The following LRP2 variants were observed in gnomAD, a reference collection of about 807,000 sequenced individuals.
LRP2 encodes low-density lipoprotein receptor-related protein 2.
In LRP2, 172 loss-of-function variants were observed where a neutral mutation model predicts 531.0. The ratio of observed to expected loss-of-function variants is 0.32; its 90% CI spans 0.29 to 0.37. LRP2 has a LOEUF of 0.37. Among genes scored for constraint, LRP2 ranks in the 10% least tolerant of loss-of-function variants. The pLI is 1.00. For missense variants in LRP2, 5,167 were observed against 5,868.3 expected, an observed-to-expected ratio of 0.88 and a Z score of 3.90; for synonymous variants, 1,992 against 2,027.6, an observed-to-expected ratio of 0.98 and a Z score of 0.47.
intron 6 of LRP2, 151 bp downstream of exon 6, chr2:169,293,997 C>T: frequency 2.8e-6 from 2 of 704,890 alleles, no homozygotes; most frequent in Admixed American, 2.0e-5. Flanking sequence ...CCCCTAGTGA[C>T]CGTCTGATTC....
chr2:169,136,739 C>T (rs1025964953), intron 76 of LRP2, among the ~76,000 whole-genome samples: 4 of 151,592 alleles, frequency 2.6e-5, no homozygotes, highest in Non-Finnish European at 5.9e-5. Flanking sequence ...TATCTCCCTT[C>T]GCTGACTCTC....
intron 72 of LRP2, 54 bp downstream of exon 72, chr2:169,140,401 A>G: frequency 2.8e-6 from 4 of 1,441,592 alleles, no homozygotes; most frequent in Non-Finnish European, 3.9e-6. Flanking sequence ...TAAGGTCTCA[A>G]ATTTCCCCAG....
chr2:169,343,568 G>T (rs1025031285), intron 1 of LRP2, among the ~76,000 whole-genome samples: 1 of 152,070 alleles, frequency 6.6e-6, no homozygotes, highest in African/African-American at 2.4e-5. Flanking sequence ...ATATTCCCAG[G>T]TACCTATAAG....
At chr2:169,280,012 G>A (rs1321892736) in intron 11 of LRP2, among the ~76,000 whole-genome samples, 2 of 152,190 alleles carry the variant, frequency 1.3e-5, no homozygotes, top group African/African-American at 4.8e-5. Context: ...CAGAAAAGCA[G>A]TGTGCTTTTT....
intron 64 of LRP2, among the ~76,000 whole-genome samples, chr2:169,157,007 T>C (rs550024700): frequency 6.6e-6 from 1 of 152,200 alleles, no homozygotes; most frequent in Non-Finnish European, 1.5e-5. Flanking sequence ...GTATAATAAA[T>C]ACGTGTTGGT....
chr2:169,190,068 C>G (rs929847557), intron 48 of LRP2, among the ~76,000 whole-genome samples: 1 of 152,094 alleles, frequency 6.6e-6, no homozygotes, highest in Non-Finnish European at 1.5e-5. Context: ...AGAGTCTAAG[C>G]CTAGGTATTC....
intron 19 of LRP2, among the ~76,000 whole-genome samples, chr2:169,254,800 G>A (rs1467934003): frequency 2.6e-5 from 4 of 151,800 alleles, no homozygotes; most frequent in Non-Finnish European, 5.9e-5. Flanking sequence ...AAACATCCCA[G>A]CCCAGAGCAG....
chr2:169,291,110 T>A (rs1683987813), intron 7 of LRP2, 113 bp from the exon 8 acceptor site: 5 of 896,120 alleles, frequency 5.6e-6, no homozygotes, highest in Non-Finnish European at 8.7e-6. Context: ...AATCTATAAA[T>A]GATCTACATT....
At chr2:169,279,240 A>C in intron 12 of LRP2, 132 bp downstream of exon 12, 2 of 706,910 alleles carry the variant, frequency 2.8e-6, no homozygotes, top group Non-Finnish European at 5.0e-6. Flanking sequence ...CACAAAATAG[A>C]CATGGCTTCT....
At chr2:169,203,955 T>A (rs1319982183) in intron 42 of LRP2, 27 bp downstream of exon 42, 2 of 1,612,052 alleles carry the variant, frequency 1.2e-6, no homozygotes, top group East Asian at 4.5e-5. Flanking sequence ...ATTCTCCATG[T>A]TCTAATTTTC....
intron 1 of LRP2, among the ~76,000 whole-genome samples, chr2:169,349,431 G>A (rs927565432): frequency 6.6e-6 from 1 of 152,204 alleles, no homozygotes; most frequent in Non-Finnish European, 1.5e-5. Context: ...TGCATGGGGA[G>A]AGGAGAAGGA....
chr2:169,212,375 C>A (rs761114239), intron 36 of LRP2, among the ~76,000 whole-genome samples, 168 bp from the exon 37 acceptor site: 1 of 152,094 alleles, frequency 6.6e-6, no homozygotes, highest in Non-Finnish European at 1.5e-5. Context: ...AGAGCTTATA[C>A]AATAACACCT....
At chr2:169,345,149 C>T (rs888404630) in intron 1 of LRP2, among the ~76,000 whole-genome samples, 1 of 152,140 alleles carries the variant, frequency 6.6e-6, no homozygotes, top group Non-Finnish European at 1.5e-5. Flanking sequence ...AATCATTTCC[C>T]AGGTGTCAAG....
At chr2:169,308,198 A>C (rs1178225194) in intron 3 of LRP2, among the ~76,000 whole-genome samples, 1 of 151,818 alleles carries the variant, frequency 6.6e-6, no homozygotes, top group Non-Finnish European at 1.5e-5. Context: ...CAATTTTTAC[A>C]AAACTTCTTT....
At chr2:169,174,584 A>G (rs1687119611) in intron 55 of LRP2, among the ~76,000 whole-genome samples, 1 of 152,168 alleles carries the variant, frequency 6.6e-6, no homozygotes, top group African/African-American at 2.4e-5. Context: ...ATCTCGGCTC[A>G]CTGCAGCCTC....
chr2:169,175,168 A>G, intron 55 of LRP2, 25 bp downstream of exon 55: 1 of 1,611,074 alleles, frequency 6.2e-7, no homozygotes, highest in South Asian at 1.1e-5. Context: ...AGTCGGAAAA[A>G]GAGGCATAAA....
chr2:169,232,718 G>T (rs1490365096), intron 30 of LRP2, among the ~76,000 whole-genome samples: 3 of 152,136 alleles, frequency 2.0e-5, no homozygotes, highest in Non-Finnish European at 4.4e-5. Flanking sequence ...AGATGTTCCA[G>T]GTAGAGGGAA....
In LRP2 at chr2:169,282,973, A is replaced by G; in HGVS notation, c.1071T>C (p.Ile357=). The change falls in exon 10 of 79, where the codon ATT becomes ATC. Residue 357 remains isoleucine, a synonymous_variant. Coordinates refer to ENST00000649046, the MANE Select transcript of LRP2 (RefSeq NM_004525.3). The stretch of plus-strand genomic sequence containing the variant: ...GTCGGCTTTCACACTTCTGGTCACA[A>G]ATTCCCCATATCTGGCAATCATCAA... ...VEFDDCQIWG[I]CDQKCESRPG... is the part of the protein sequence containing the mutation. The G allele has an allele frequency of 6.2e-7, 1 of 1,614,116 alleles. No homozygotes were observed. Among genetic ancestry groups the G allele is most frequent in the Non-Finnish European group, 8.5e-7 (1 of 1,179,994 alleles).
intron 19 of LRP2, 125 bp from the exon 20 acceptor site, chr2:169,247,640 G>A: frequency 9.8e-7 from 1 of 1,015,558 alleles, no homozygotes; most frequent in East Asian, 2.5e-5. Flanking sequence ...ATAAATATCT[G>A]TAATATGTTT....
Sources: gnomAD v4.1 joint callset for allele counts (sites outside exome capture counted in the v4.1 genomes callset) on GRCh38, gnomAD v4.1.1 for gene constraint, MANE v1.5 for transcripts, NCBI Gene and HGNC (gene_info 2026-07-23, HGNC 2026-07-21) for gene names.